The following ITGB6 variants were observed in gnomAD, a reference collection of about 807,000 sequenced individuals.
The protein encoded by ITGB6 is integrin beta-6.
A neutral mutation model predicts 84.5 loss-of-function variants in ITGB6; 80 were observed. The ratio of observed to expected loss-of-function variants is 0.95; its 90% CI spans 0.79 to 1.14. ITGB6 has a LOEUF of 1.14. Ranked by LOEUF, ITGB6 falls within the 50% of genes most tolerant of loss-of-function variation. The probability of loss-of-function intolerance (pLI) is 0.00; values close to 1 mark genes in which losing one functional copy is unlikely to be tolerated. For missense variants in ITGB6, 1,006 were observed against 968.0 expected (o/e 1.04, Z -0.52); for synonymous variants, 383 against 354.9 (o/e 1.08, Z -0.89).
chr2:160,154,815 T>G (rs1398104482), intron 7 of ITGB6, among the ~76,000 whole-genome samples: 1 of 152,070 alleles, frequency 6.6e-6, no homozygotes, highest in African/African-American at 2.4e-5. Flanking sequence ...TATTATTAAG[T>G]GAAAGAAGCC....
At chr2:160,107,647 T>C (rs1696960578) in intron 14 of ITGB6, 32 bp downstream of exon 14, 1 of 1,607,068 alleles carries the variant, frequency 6.2e-7, no homozygotes, top group African/African-American at 1.3e-5. Flanking sequence ...CTTTCTCCCC[T>C]AGACAAGGAG....
chr2:160,156,975 G>A (rs1208567252), intron 7 of ITGB6, among the ~76,000 whole-genome samples: 3 of 152,136 alleles, frequency 2.0e-5, no homozygotes, highest in African/African-American at 7.2e-5. Flanking sequence ...TGGGTGGCTT[G>A]CAACAACAGA....
intron 4 of ITGB6, among the ~76,000 whole-genome samples, chr2:160,176,198 C>T (rs1331373399): frequency 2.0e-5 from 3 of 152,180 alleles, no homozygotes; most frequent in Non-Finnish European, 4.4e-5. Flanking sequence ...CTTCTGACCC[C>T]TCCCCCATCT....
At chr2:160,193,323 C>A (rs1191564579) in intron 4 of ITGB6, among the ~76,000 whole-genome samples, 1 of 152,044 alleles carries the variant, frequency 6.6e-6, no homozygotes, top group Admixed American at 6.5e-5. Flanking sequence ...CTGATACATA[C>A]AAAATAATAG....
chr2:160,154,053 T>C (rs1684530952), intron 7 of ITGB6, among the ~76,000 whole-genome samples: 1 of 152,226 alleles, frequency 6.6e-6, no homozygotes. Context: ...GAACTAGAAG[T>C]GCCATTTGAC....
intron 4 of ITGB6, among the ~76,000 whole-genome samples, chr2:160,182,114 A>G (rs1343051914): frequency 6.6e-6 from 1 of 152,248 alleles, no homozygotes; most frequent in Non-Finnish European, 1.5e-5. Context: ...CCTCGCCAGC[A>G]AGAGATCAAA....
At chr2:160,138,975 A>G (rs1180077543) in intron 8 of ITGB6, among the ~76,000 whole-genome samples, 1 of 152,178 alleles carries the variant, frequency 6.6e-6, no homozygotes, top group Non-Finnish European at 1.5e-5. Context: ...CTCACCACCA[A>G]CAGTAAGATG....
chr2:160,120,748 C>T (rs1225111704), intron 12 of ITGB6, among the ~76,000 whole-genome samples: 1 of 128,370 alleles, frequency 7.8e-6, no homozygotes, highest in Non-Finnish European at 1.6e-5. Flanking sequence ...ATGAAGAGTT[C>T]ATGTCCTTTG....
intron 11 of ITGB6, 62 bp from the exon 12 acceptor site, chr2:160,123,950 A>C: frequency 5.0e-6 from 6 of 1,209,678 alleles, no homozygotes; most frequent in African/African-American, 1.5e-5. Flanking sequence ...TGCAGCTTGA[A>C]TATTGCTTTA....
intron 9 of ITGB6, 68 bp from the exon 10 acceptor site, chr2:160,137,919 G>A (rs1443118709): frequency 3.9e-6 from 6 of 1,554,192 alleles, no homozygotes; most frequent in East Asian, 2.3e-5. Context: ...AAGGCTTCAC[G>A]GAAATCAGCT....
chr2:160,167,417 G>A (rs1218233128), intron 7 of ITGB6, among the ~76,000 whole-genome samples: 2 of 152,182 alleles, frequency 1.3e-5, no homozygotes, highest in African/African-American at 4.8e-5. Flanking sequence ...ATAAAACAAT[G>A]AAACGGTCAG....
intron 4 of ITGB6, among the ~76,000 whole-genome samples, chr2:160,192,468 A>G (rs563938534): frequency 1.1e-4 from 16 of 152,172 alleles, no homozygotes; most frequent in Non-Finnish European, 1.5e-4. Flanking sequence ...AAATACAAAA[A>G]CTAATCTGAG....
intron 7 of ITGB6, among the ~76,000 whole-genome samples, chr2:160,152,179 A>G (rs772035994): frequency 1.3e-5 from 2 of 152,240 alleles, no homozygotes; most frequent in Non-Finnish European, 2.9e-5. Context: ...TCTGATGATC[A>G]TCAGTGCGAA....
chr2:160,106,652 G>T (rs1217926939), intron 14 of ITGB6, among the ~76,000 whole-genome samples: 3 of 152,152 alleles, frequency 2.0e-5, no homozygotes, highest in Non-Finnish European at 2.9e-5. Context: ...TTAATGGGAA[G>T]ATAAAGTAGA....
At chr2:160,188,099 G>C (rs774038831) in intron 4 of ITGB6, among the ~76,000 whole-genome samples, 4 of 152,198 alleles carry the variant, frequency 2.6e-5, no homozygotes, top group Admixed American at 6.5e-5. Flanking sequence ...AGCTCAAAGA[G>C]AGTAATGGTT....
chr2:160,163,626 T>C lies in ITGB6; in HGVS notation c.1017+5586A>G, dbSNP rs952174543. 1.3e-4 allele frequency among the ~76,000 whole-genome samples: 10 copies of C among 78,468 alleles called. No individual in the cohort carries two copies. In the Admixed American group the frequency reaches 1.7e-3, roughly 14 times the overall value. 51.5% of individuals were successfully genotyped at this position (78,468 alleles called of 152,430 possible). A position where few individuals can be genotyped will look rare whatever the true frequency, so the allele number is the denominator to read the frequency against. On this transcript the variant is annotated intron_variant, in intron 7 of 14. Transcript: ENST00000283249. ...TAGCCTGGGCAACAGAGGGAGACTT[T>C]GTCTCAAAAAAAAAAAAAAAGGTGA...
intron 10 of ITGB6, among the ~76,000 whole-genome samples, chr2:160,130,622 T>C (rs1683429073): frequency 6.6e-6 from 1 of 152,202 alleles, no homozygotes; most frequent in South Asian, 2.1e-4. Flanking sequence ...ATACAATTTA[T>C]AATTGACATA....
At chr2:160,162,182 C>T (rs768762759) in intron 7 of ITGB6, among the ~76,000 whole-genome samples, 1 of 151,974 alleles carries the variant, frequency 6.6e-6, no homozygotes, top group Non-Finnish European at 1.5e-5. Flanking sequence ...AGAACTAACA[C>T]TTAAAAATGG....
At position 160,176,324 on chromosome 2, in the gene ITGB6, T is replaced by G. The variant is rs150363396; in HGVS notation, c.594-2185A>C. ...GATGGATGTGGCCCACACTGGCCTC[T>G]GTGACATCCCCTTCTCTGTCCTGCC... On this transcript the variant is annotated intron_variant, in intron 4 of 14. Transcript: ENST00000283249. 4.0e-3 allele frequency among the ~76,000 whole-genome samples: 610 copies of G among 152,324 alleles called. 7 individuals carry two copies. The highest frequency in any genetic ancestry group is 0.014 in the African/African-American group (600 of 41,582).
Sources: gnomAD v4.1 joint callset for allele counts (sites outside exome capture counted in the v4.1 genomes callset) on GRCh38, gnomAD v4.1.1 for gene constraint, MANE v1.5 for transcripts, NCBI Gene and HGNC (gene_info 2026-07-23, HGNC 2026-07-21) for gene names.